The following TESMIN variants were observed in gnomAD, a reference collection of about 807,000 sequenced individuals.
TESMIN encodes testis expressed metallothionein like protein, also known as CXC domain containing 2.
A neutral mutation model predicts 47.4 loss-of-function variants in TESMIN; 34 were observed. That is an observed-to-expected ratio of 0.72 (90% CI 0.55 to 0.96). The LOEUF (loss-of-function observed/expected upper bound fraction) is 0.96, where lower values mean the gene tolerates loss of function less well. Ranked by LOEUF, TESMIN falls within the 40% of genes least tolerant of loss-of-function variation. TESMIN has a pLI of 0.00. For synonymous variants in TESMIN, 278 were observed against 258.9 expected, an observed-to-expected ratio of 1.07 and a Z score of -0.71; for missense variants, 610 against 637.2, an observed-to-expected ratio of 0.96 and a Z score of 0.46.
intron 6 of TESMIN, chr11:68,737,717 G>T: frequency 1.1e-6 from 1 of 948,432 alleles, no homozygotes; most frequent in Non-Finnish European, 1.3e-6. Flanking sequence ...TTCAAGACCA[G>T]CCTGGCCAAC....
chr11:68,751,145 G>A (rs1348270061), intron 1 of TESMIN, among the ~76,000 whole-genome samples: 8 of 21,188 alleles, frequency 3.8e-4, no homozygotes, highest in African/African-American at 1.5e-3. Flanking sequence ...GGTAAGGGGC[G>A]GCCAGGAGAG....
intron 3 of TESMIN, among the ~76,000 whole-genome samples, chr11:68,746,705 T>C (rs1946524845): frequency 6.6e-6 from 1 of 152,066 alleles, no homozygotes; most frequent in East Asian, 1.9e-4. Context: ...ACCCATAAAG[T>C]GGGGATAAAA....
chr11:68,705,657 A>C (rs1945990664), downstream of TESMIN, among the ~76,000 whole-genome samples: 1 of 152,206 alleles, frequency 6.6e-6, no homozygotes. Flanking sequence ...CAAAACAAAA[A>C]CCCAAAACCA....
chr11:68,747,504 C>T (rs1946537116), intron 2 of TESMIN, 138 bp from the exon 3 acceptor site: 2 of 754,082 alleles, frequency 2.7e-6, no homozygotes, highest in Non-Finnish European at 2.1e-6. Context: ...TGGTGGCACA[C>T]TCCCAGCTAC....
chr11:68,727,556 C>T (rs1265420157), intron 6 of TESMIN, among the ~76,000 whole-genome samples: 1 of 152,250 alleles, frequency 6.6e-6, no homozygotes, highest in African/African-American at 2.4e-5. Context: ...TCCTAGTGGA[C>T]AGTGCTCCTT....
chr11:68,708,318 T>A lies in TESMIN; in HGVS notation c.1517A>T (p.Lys506Ile). ...LHTEFKSKGL[K>I]ME ...TTCACACTTTATACTCTACTCCATT[T>A]TCAATCCCTTAGATTTAAACTCAGT... The change falls in exon 10 of 10, where the codon AAA becomes ATA. Residue 506 changes from lysine to isoleucine, a missense_variant. Transcript: ENST00000255087. The A allele has an allele frequency of 1.2e-6, 2 of 1,602,304 alleles. No homozygotes were observed. Among genetic ancestry groups the A allele is most frequent in the Non-Finnish European group, 1.7e-6 (2 of 1,174,880 alleles).
intron 6 of TESMIN, among the ~76,000 whole-genome samples, chr11:68,726,829 G>T (rs557562114): frequency 6.6e-6 from 1 of 152,278 alleles, no homozygotes; most frequent in Admixed American, 6.5e-5. Flanking sequence ...TGTAATCCCA[G>T]CACTTTGGGA....
At chr11:68,726,954 G>T (rs1178237195) in intron 6 of TESMIN, among the ~76,000 whole-genome samples, 1 of 151,962 alleles carries the variant, frequency 6.6e-6, no homozygotes, top group African/African-American at 2.4e-5. Context: ...GATAGCAGGA[G>T]GTTGAGGCAG....
intron 5 of TESMIN, among the ~76,000 whole-genome samples, chr11:68,739,800 A>G (rs1210351200): frequency 2.0e-5 from 3 of 152,224 alleles, no homozygotes; most frequent in African/African-American, 4.8e-5. Context: ...GCCCTGAGAC[A>G]GGTGTCCCTT....
Position 68,708,372 on chromosome 11 carries a change from A to G in TESMIN, c.1463T>C (p.Phe488Ser), listed in dbSNP as rs748803869. 4 of 1,613,892 alleles carry G rather than the reference A, an allele frequency of 2.5e-6. No homozygotes were observed. Among genetic ancestry groups the G allele is most frequent in the Non-Finnish European group, 3.4e-6 (4 of 1,179,940 alleles). ...GAGAATCTGTGATAAGCACCTTCCAAATTCCTCCAGGATCATCTGCTCTGC... is the reference window on the plus strand; with the variant it reads ...GAGAATCTGTGATAAGCACCTTCCAGATTCCTCCAGGATCATCTGCTCTGC... ...CLAEQMILEE[F>S]GRCLSQILHT... The change falls in exon 10 of 10, where the codon TTT becomes TCT. Residue 488 changes from phenylalanine to serine, a missense_variant. By Grantham distance (155) the Phe-to-Ser change is radical. Coordinates refer to ENST00000255087, the MANE Select transcript of TESMIN (RefSeq NM_004923.3).
chr11:68,732,193 A>C (rs1179956979), intron 6 of TESMIN, among the ~76,000 whole-genome samples: 1 of 152,158 alleles, frequency 6.6e-6, no homozygotes, highest in Non-Finnish European at 1.5e-5. Flanking sequence ...AGCACTGGAC[A>C]CACTCTGGGC....
Position 68,708,460 on chromosome 11 carries a change from T to C in TESMIN, c.1375A>G (p.Thr459Ala). Residue 459 changes from threonine (T) to alanine (A), a missense_variant, in exon 10 of 10, where the codon ACA (threonine) becomes GCA (alanine). Coordinates refer to ENST00000255087, the MANE Select transcript of TESMIN (RefSeq NM_004923.3). ...CCCTGAGCAAGCAGGCAGGCGCATG[T>C]GGCCTCCACCACCTCCCAGGAGATG... ...SCISWEVVEA[T>A]CACLLAQGEE... 1 of 1,613,702 alleles carries C rather than the reference T, an allele frequency of 6.2e-7. No homozygotes were observed.
chr11:68,749,257 C>T (rs1946559636), intron 2 of TESMIN, among the ~76,000 whole-genome samples: 1 of 152,230 alleles, frequency 6.6e-6, no homozygotes, highest in Non-Finnish European at 1.5e-5. Flanking sequence ...CCAGCCTCTG[C>T]CCATCCTTTT....
At chr11:68,740,323 C>T (rs973115560) in intron 5 of TESMIN, among the ~76,000 whole-genome samples, 7 of 152,066 alleles carry the variant, frequency 4.6e-5, no homozygotes, top group Admixed American at 4.6e-4. Context: ...AGGAAGCAAA[C>T]GATTCTCGAG....
At chr11:68,734,788 C>T (rs191495878) in intron 6 of TESMIN, among the ~76,000 whole-genome samples, 12 of 152,336 alleles carry the variant, frequency 7.9e-5, no homozygotes, top group African/African-American at 2.6e-4. Flanking sequence ...CTAATACAAA[C>T]GCCCTAAAGA....
intron 6 of TESMIN, among the ~76,000 whole-genome samples, chr11:68,728,994 G>T (rs572497247): frequency 1.8e-4 from 27 of 152,176 alleles, no homozygotes; most frequent in Admixed American, 6.5e-4. Flanking sequence ...TCTCATGCCT[G>T]CAAACACAAT....
At chr11:68,717,965 C>T (rs1946159433) in intron 6 of TESMIN, among the ~76,000 whole-genome samples, 1 of 152,212 alleles carries the variant, frequency 6.6e-6, no homozygotes, top group Admixed American at 6.5e-5. Flanking sequence ...CCTCTGAGGA[C>T]TCTGACCAGC....
In TESMIN at chr11:68,750,609, C is replaced by T; in HGVS notation, c.52G>A (p.Val18Met). The T allele has an allele frequency of 1.3e-6, 2 of 1,596,628 alleles. No homozygotes were observed. The highest frequency in any genetic ancestry group is 1.7e-6 in the Non-Finnish European group (2 of 1,171,308). The change falls in exon 2 of 10, where the codon GTG (valine) becomes ATG (methionine). Residue 18 changes from valine (V) to methionine (M), a missense_variant. Coordinates refer to ENST00000255087, the MANE Select transcript of TESMIN (RefSeq NM_004923.3). The stretch of plus-strand genomic sequence containing the variant: ...CCCTCGGGGCTTAAGAGCTCCGTCA[C>T]CATCGCATCCTCGGGGCTGGGCAGC... ...GGLPSPEDAM[V>M]TELLSPEGPF...
chr11:68,735,412 G>A (rs1594297011), intron 6 of TESMIN, among the ~76,000 whole-genome samples: 1 of 152,236 alleles, frequency 6.6e-6, no homozygotes, highest in South Asian at 2.1e-4. Context: ...TGTAACTGTG[G>A]AGGGAGGGTG....
Sources: allele counts gnomAD v4.1 joint callset (sites outside exome capture counted in the v4.1 genomes callset), GRCh38; gene constraint gnomAD v4.1.1; transcripts MANE v1.5; gene names NCBI Gene and HGNC (gene_info 2026-07-23, HGNC 2026-07-21).